SH3TC2: variants seen among roughly 807,000 people sequenced by gnomAD.
The protein encoded by SH3TC2 is SH3 domain and tetratricopeptide repeats 2.
SH3TC2 carries 87 observed loss-of-function variants against 124.5 expected under a neutral mutation model. The observed-to-expected ratio is 0.70, with a 90% CI of 0.59 to 0.84. SH3TC2 has a LOEUF of 0.84. Ranked by LOEUF, SH3TC2 falls within the 40% of genes least tolerant of loss-of-function variation. The pLI is 0.00. For missense variants in SH3TC2, 1,536 were observed against 1,566.4 expected, an observed-to-expected ratio of 0.98 and a Z score of 0.33; for synonymous variants, 634 against 628.5, an observed-to-expected ratio of 1.01 and a Z score of -0.13.
At chr5:149,062,522 G>A (rs1754770991) in intron 1 of SH3TC2, 1 of 432,714 alleles carries the variant, frequency 2.3e-6, no homozygotes, top group Non-Finnish European at 4.5e-6. Context: ...AATAGGTGGA[G>A]GCAGGAAACT....
At chr5:149,062,319 T>C (rs1345172740) in intron 1 of SH3TC2, 1 of 531,084 alleles carries the variant, frequency 1.9e-6, no homozygotes, top group Non-Finnish European at 3.9e-6. Context: ...GAAGGTTGCT[T>C]CAGGGAGACC....
chr5:149,002,952 A>G lies in SH3TC2; in HGVS notation c.*1759T>C, dbSNP rs1317024198. 6.5e-6 allele frequency: 1 copy of G among 152,964 alleles called. No homozygotes were observed. The highest frequency in any genetic ancestry group is 1.9e-4 in the East Asian group (1 of 5,196). 9.5% of individuals were successfully genotyped at this position (152,964 alleles called of 1,614,324 possible). A position where few individuals can be genotyped will look rare whatever the true frequency, so the allele number is the denominator to read the frequency against. ...TAGGGTGCATTAAAATCACCAGGAA[A>G]GCTTGGACGAGTCAGCGTTCTGGGA... On this transcript the variant is annotated 3_prime_UTR_variant, in exon 17 of 17. Coordinates refer to ENST00000515425, the MANE Select transcript of SH3TC2 (RefSeq NM_024577.4).
rs890262843 is a variant in SH3TC2 at position 149,004,533 on chromosome 5, T to C, written c.*178A>G. Reference sequence around the variant, plus strand: ...ACCAGGAATTCTCATCGCTGCACCATCAAATCTTTCTGTGGCCTGCAATGA... The same window carrying C: ...ACCAGGAATTCTCATCGCTGCACCACCAAATCTTTCTGTGGCCTGCAATGA... On this transcript the variant is annotated 3_prime_UTR_variant, in exon 17 of 17. Transcript: ENST00000515425. The C allele has an allele frequency of 9.5e-5, 64 of 672,394 alleles. No individual in the cohort carries two copies. The African/African-American group carries it at 1.0e-3, about 11-fold the overall frequency. The allele number at this position is 672,394 out of a possible 1,614,324, so 41.7% of individuals were successfully genotyped here.
rs1378630969 is a variant in SH3TC2 at position 148,986,512 on chromosome 5, T to C, written c.*18199A>G. ...ATTTTTCTGCTGTTTCTCTGACCCT[T>C]TGTGAGTTAAGATCTGCCAGGGTAG... On this transcript the variant is annotated 3_prime_UTR_variant, in exon 17 of 17. Coordinates refer to ENST00000515425, the MANE Select transcript of SH3TC2 (RefSeq NM_024577.4). Among the ~76,000 whole-genome samples, 2 of 152,190 alleles carry C rather than the reference T, an allele frequency of 1.3e-5. No homozygotes were observed. The highest frequency in any genetic ancestry group is 2.9e-5 in the Non-Finnish European group (2 of 68,026).
intron 9 of SH3TC2, among the ~76,000 whole-genome samples, chr5:149,030,188 C>T (rs148207648): frequency 9.2e-5 from 14 of 152,296 alleles, no homozygotes; most frequent in African/African-American, 3.1e-4. Context: ...ATGAGTGATG[C>T]GCAAGTTACA....
chr5:149,057,361 A>G (rs534110493), intron 1 of SH3TC2, among the ~76,000 whole-genome samples: 40 of 151,824 alleles, frequency 2.6e-4, no homozygotes, highest in African/African-American at 9.2e-4. Flanking sequence ...CTCTGATGAC[A>G]TTGATATTTT....
intron 12 of SH3TC2, among the ~76,000 whole-genome samples, chr5:149,019,667 T>C (rs1354284170): frequency 6.6e-6 from 1 of 152,370 alleles, no homozygotes; most frequent in East Asian, 1.9e-4. Context: ...ATAAAATGTT[T>C]CAGAACTCTG....
intron 1 of SH3TC2, chr5:149,057,546 A>G (rs1298398680): frequency 6.6e-6 from 1 of 152,216 alleles, no homozygotes; most frequent in African/African-American, 2.4e-5. Flanking sequence ...TCCATTCATT[A>G]TCTATTCAAA....
rs1189096423 is a variant in SH3TC2 at position 148,985,778 on chromosome 5, T to C, written c.*18933A>G. On this transcript the variant is annotated 3_prime_UTR_variant, in exon 17 of 17. Transcript: ENST00000515425. ...TGTATGTTTAATTTATAAGAAACTA[T>C]CAAAGCATTTTCCAAAACAGCTGTT... 1.3e-5 allele frequency among the ~76,000 whole-genome samples: 2 copies of C among 152,186 alleles called. No individual in the cohort carries two copies. The highest frequency in any genetic ancestry group is 4.8e-5 in the African/African-American group (2 of 41,458).
intron 12 of SH3TC2, 128 bp downstream of exon 12, chr5:149,026,444 G>A (rs537335298): frequency 1.8e-6 from 2 of 1,110,108 alleles, no homozygotes; most frequent in African/African-American, 1.5e-5. Context: ...TGGCTGCAGA[G>A]CCCTTGCTCT....
intron 1 of SH3TC2, among the ~76,000 whole-genome samples, chr5:149,060,596 G>A (rs116177766): frequency 6.6e-6 from 1 of 152,016 alleles, no homozygotes; most frequent in Non-Finnish European, 1.5e-5. Context: ...TCACTGTTTT[G>A]GTGTCTGCTG....
chr5:149,031,641 A>G lies in SH3TC2; in HGVS notation c.1048T>C (p.Leu350=). 1 of 1,614,166 alleles carries G rather than the reference A, an allele frequency of 6.2e-7. No individual in the cohort carries two copies. Among genetic ancestry groups the G allele is most frequent in the Non-Finnish European group, 8.5e-7 (1 of 1,180,036 alleles). Residue 350 remains leucine, a synonymous_variant, in exon 9 of 17, where the codon TTG becomes CTG. Transcript: ENST00000515425. ...FLSDEERCSL[L]ALGSDKQTEC... ...GTCTGCTTATCACTTCCCAGGGCCA[A>G]CAGGGAGCATCTCTCCTCATCACTG... is the stretch of plus-strand genomic sequence containing the variant.
At chr5:149,030,123 G>T (rs976194997) in intron 9 of SH3TC2, among the ~76,000 whole-genome samples, 1 of 152,212 alleles carries the variant, frequency 6.6e-6, no homozygotes, top group African/African-American at 2.4e-5. Context: ...TGGCCTCTCT[G>T]ATGTGGAGGG....
chr5:149,049,577 G>A (rs901339583), intron 2 of SH3TC2, among the ~76,000 whole-genome samples: 17 of 152,030 alleles, frequency 1.1e-4, no homozygotes, highest in African/African-American at 3.9e-4. Context: ...GACCAGCCTG[G>A]GCAACATGCC....
intron 1 of SH3TC2, 77 bp downstream of exon 1, chr5:149,062,894 C>G: frequency 1.4e-6 from 2 of 1,404,218 alleles, no homozygotes; most frequent in Admixed American, 3.9e-5. Flanking sequence ...GTTTCTCCAA[C>G]CCAGCAGGTC....
chr5:148,987,809 C>CTCTGTGTGTG lies in SH3TC2; in HGVS notation c.*16901_*16902insCACACACAGA, dbSNP rs1554118890. On this transcript the variant is annotated 3_prime_UTR_variant, in exon 17 of 17. Transcript: ENST00000515425. ...CCTCACTCGAGGCCTCATTCAAAATCTGTGTGTGTGTGTGTGTGTGTGTGT... is the reference window on the plus strand; with the variant it reads ...CCTCACTCGAGGCCTCATTCAAAATCTCTGTGTGTGTGTGTGTGTGTGTGTGTGTGTGTGT... 7.4e-6 allele frequency among the ~76,000 whole-genome samples: 1 copy of CTCTGTGTGTG among 135,320 alleles called. No individual in the cohort carries two copies. Among genetic ancestry groups the CTCTGTGTGTG allele is most frequent in the African/African-American group, 2.8e-5 (1 of 36,084 alleles). 88.8% of individuals were successfully genotyped at this position (135,320 alleles called of 152,430 possible). A position where few individuals can be genotyped will look rare whatever the true frequency, so the allele number is the denominator to read the frequency against.
At chr5:149,049,925 C>A (rs1364162370) in intron 2 of SH3TC2, among the ~76,000 whole-genome samples, 2 of 152,322 alleles carry the variant, frequency 1.3e-5, no homozygotes, top group East Asian at 3.9e-4. Context: ...AAGTACTGCT[C>A]ATGGCTGGCT....
intron 1 of SH3TC2, among the ~76,000 whole-genome samples, chr5:149,059,053 A>T (rs879355123): frequency 1.3e-5 from 2 of 152,142 alleles, no homozygotes; most frequent in Non-Finnish European, 2.9e-5. Flanking sequence ...TAAACAAGAA[A>T]AGAGAAGGCA....
intron 15 of SH3TC2, 73 bp downstream of exon 15, chr5:149,008,778 G>A: frequency 1.9e-6 from 3 of 1,600,676 alleles, no homozygotes; most frequent in Non-Finnish European, 2.6e-6. Context: ...GGCCTGCGGT[G>A]TTATTGCTTT....
Sources: allele counts gnomAD v4.1 joint callset (sites outside exome capture counted in the v4.1 genomes callset), GRCh38; gene constraint gnomAD v4.1.1; transcripts MANE v1.5; gene names NCBI Gene and HGNC (gene_info 2026-07-23, HGNC 2026-07-21).